AGBL4: variants seen among roughly 807,000 people sequenced by gnomAD.
AGBL4 encodes the protein AGBL carboxypeptidase 4.
In AGBL4, 58 loss-of-function variants were observed where a neutral mutation model predicts 66.4. The ratio of observed to expected loss-of-function variants is 0.87; its 90% CI spans 0.71 to 1.09. AGBL4 has a LOEUF of 1.09. Ranked by LOEUF, AGBL4 falls within the 50% of genes least tolerant of loss-of-function variation. The pLI, the probability that AGBL4 is intolerant of heterozygous loss-of-function variation, is 0.00. For synonymous variants in AGBL4, 234 were observed against 222.9 expected (o/e 1.05, Z -0.44); for missense variants, 579 against 631.0 (o/e 0.92, Z 0.88).
Position 49,165,537 on chromosome 1 carries a change from A to G in AGBL4, c.377+80233T>C, listed in dbSNP as rs1048271598. Among the ~76,000 whole-genome samples the G allele has an allele frequency of 2.0e-5, 3 of 152,058 alleles. No individual in the cohort carries two copies. The East Asian group carries it at 5.8e-4, about 29-fold the overall frequency. ...ACCTCAACTAGGCAACTGGCATTAA[A>G]TTATGAACTCCAAAATTGGAAGGGA... is the stretch of plus-strand genomic sequence containing the variant. On this transcript the variant is annotated intron_variant, in intron 4 of 13. Transcript: ENST00000371839.
intron 3 of AGBL4, among the ~76,000 whole-genome samples, chr1:49,286,055 A>G (rs932037923): frequency 1.3e-5 from 2 of 152,246 alleles, no homozygotes; most frequent in Non-Finnish European, 2.9e-5. Flanking sequence ...AGGCTGGTTC[A>G]ATATACACAA....
chr1:49,636,777 A>C (rs1435768339), intron 3 of AGBL4, among the ~76,000 whole-genome samples: 1 of 152,192 alleles, frequency 6.6e-6, no homozygotes, highest in East Asian at 1.9e-4. Context: ...GTGATGTTTT[A>C]TTTGATTTAT....
At chr1:49,026,363 C>T (rs1663689242) in intron 5 of AGBL4, among the ~76,000 whole-genome samples, 1 of 152,082 alleles carries the variant, frequency 6.6e-6, no homozygotes. Context: ...GGCACAGTTA[C>T]TAAGCTCAAG....
intron 4 of AGBL4, among the ~76,000 whole-genome samples, chr1:49,136,831 T>G (rs1646021263): frequency 6.6e-6 from 1 of 152,154 alleles, no homozygotes; most frequent in East Asian, 1.9e-4. Flanking sequence ...CTGCAGGAAT[T>G]CCCACTGCTG....
At chr1:49,333,591 A>G (rs575403551) in intron 3 of AGBL4, among the ~76,000 whole-genome samples, 1 of 152,342 alleles carries the variant, frequency 6.6e-6, no homozygotes, top group South Asian at 2.1e-4. Context: ...CTTAGATTCG[A>G]TGGTGGGTTG....
At chr1:49,944,097 G>A (rs1655005113) in intron 1 of AGBL4, among the ~76,000 whole-genome samples, 1 of 151,952 alleles carries the variant, frequency 6.6e-6, no homozygotes, top group Non-Finnish European at 1.5e-5. Flanking sequence ...GCCCCCACCT[G>A]ATGGTCCTTT....
chr1:49,123,912 T>G (rs1384962058), intron 4 of AGBL4, among the ~76,000 whole-genome samples: 5 of 152,276 alleles, frequency 3.3e-5, no homozygotes, highest in Admixed American at 3.3e-4. Context: ...CTACTCTCAT[T>G]TTGCCAGAAG....
intron 1 of AGBL4, among the ~76,000 whole-genome samples, chr1:49,996,859 G>T (rs551210070): frequency 6.6e-6 from 1 of 152,258 alleles, no homozygotes; most frequent in African/African-American, 2.4e-5. Flanking sequence ...ATTAATAGCA[G>T]ATTTTTCAGC....
At chr1:49,377,051 C>T (rs1160193211) in intron 3 of AGBL4, among the ~76,000 whole-genome samples, 1 of 151,934 alleles carries the variant, frequency 6.6e-6, no homozygotes, top group African/African-American at 2.4e-5. Context: ...TTCAACTTTT[C>T]TTAAAAGAAA....
intron 3 of AGBL4, among the ~76,000 whole-genome samples, chr1:49,319,460 C>T (rs996240324): frequency 1.8e-4 from 28 of 152,186 alleles, no homozygotes; most frequent in South Asian, 4.1e-4. Context: ...GGTGACTCCA[C>T]CATTGCCAGA....
chr1:49,984,490 C>T (rs549080642), intron 1 of AGBL4, among the ~76,000 whole-genome samples: 1 of 152,284 alleles, frequency 6.6e-6, no homozygotes, highest in African/African-American at 2.4e-5. Flanking sequence ...TCAGGACTAC[C>T]TTCATGAATA....
At chr1:49,791,865 C>A (rs1213792705) in intron 2 of AGBL4, among the ~76,000 whole-genome samples, 1 of 152,114 alleles carries the variant, frequency 6.6e-6, no homozygotes, top group Non-Finnish European at 1.5e-5. Flanking sequence ...TATTGCATTT[C>A]TGCCACCAGA....
intron 3 of AGBL4, among the ~76,000 whole-genome samples, chr1:49,475,815 C>T (rs889304027): frequency 2.0e-5 from 3 of 152,088 alleles, no homozygotes; most frequent in Non-Finnish European, 2.9e-5. Context: ...TGGATCTTCT[C>T]TCTATTTCTT....
chr1:49,219,983 T>A (rs760937279), intron 4 of AGBL4, among the ~76,000 whole-genome samples: 1 of 152,120 alleles, frequency 6.6e-6, no homozygotes, highest in Non-Finnish European at 1.5e-5. Flanking sequence ...TTTCTTTTCA[T>A]ATGGACAGAG....
chr1:49,157,390 T>C (rs1038263816), intron 4 of AGBL4, among the ~76,000 whole-genome samples: 4 of 152,150 alleles, frequency 2.6e-5, no homozygotes, highest in Non-Finnish European at 5.9e-5. Context: ...GCTTCATCCA[T>C]GTCCCTGCAA....
intron 3 of AGBL4, among the ~76,000 whole-genome samples, chr1:49,315,941 G>A (rs1413647140): frequency 6.6e-6 from 1 of 152,014 alleles, no homozygotes; most frequent in East Asian, 1.9e-4. Flanking sequence ...ACAAAGAAGA[G>A]CGCTATCAAG....
At position 48,634,498 on chromosome 1, in the gene AGBL4, C is replaced by T. The variant is rs370593619; in HGVS notation, c.946G>A (p.Asp316Asn). Residue 316 changes from aspartate to asparagine, a missense_variant, in exon 9 of 14, where the codon GAC becomes AAC. Transcript: ENST00000371839. ...VKQLIVQMYNDPKTSLEFYID... is the reference protein window; with the variant it reads ...VKQLIVQMYNNPKTSLEFYID... ...GAGGGCATTCAGTTACTTACTGGGT[C>T]GTTGTACATCTGGACGATGAGTTGT... 9 of 1,594,974 alleles carry T rather than the reference C, an allele frequency of 5.6e-6. No individual in the cohort carries two copies. The highest frequency in any genetic ancestry group is 2.7e-5 in the African/African-American group (2 of 74,620).
intron 2 of AGBL4, among the ~76,000 whole-genome samples, chr1:49,720,968 A>G (rs895960162): frequency 2.0e-5 from 3 of 152,146 alleles, no homozygotes; most frequent in African/African-American, 7.2e-5. Context: ...ATGAGAGGCG[A>G]AGCCAGCTGG....
chr1:48,842,646 A>T (rs1646830935), intron 6 of AGBL4, among the ~76,000 whole-genome samples: 1 of 152,204 alleles, frequency 6.6e-6, no homozygotes, highest in Non-Finnish European at 1.5e-5. Context: ...CTGCTGTATG[A>T]TCCGGCAATC....
Sources: gnomAD v4.1 joint callset for allele counts (sites outside exome capture counted in the v4.1 genomes callset) on GRCh38, gnomAD v4.1.1 for gene constraint, MANE v1.5 for transcripts, NCBI Gene and HGNC (gene_info 2026-07-23, HGNC 2026-07-21) for gene names.